Variants in ZNF704 observed in about 807,000 individuals in gnomAD.
ZNF704 encodes the protein zinc finger protein 704.
Under a neutral mutation model 44.7 loss-of-function variants are expected in ZNF704, and 10 were observed. That is an observed-to-expected ratio of 0.22 (90% CI 0.14 to 0.38). The LOEUF (loss-of-function observed/expected upper bound fraction) is 0.38, where lower values mean the gene tolerates loss of function less well. Ranked by LOEUF, ZNF704 falls within the 10% of genes least tolerant of loss-of-function variation. The probability of loss-of-function intolerance (pLI) is 1.00; values close to 1 mark genes in which losing one functional copy is unlikely to be tolerated. For synonymous variants in ZNF704, 211 were observed against 207.6 expected (o/e 1.02, Z -0.14); for missense variants, 390 against 545.5 (o/e 0.71, Z 2.84).
At chr8:80,647,916 C>T (rs1040574013) in intron 7 of ZNF704, among the ~76,000 whole-genome samples, 6 of 152,132 alleles carry the variant, frequency 3.9e-5, no homozygotes, top group African/African-American at 1.4e-4. Flanking sequence ...AACAGAGTAC[C>T]TGAGACTGGA....
At chr8:80,681,090 A>G (rs1258549229) in intron 4 of ZNF704, among the ~76,000 whole-genome samples, 3 of 152,202 alleles carry the variant, frequency 2.0e-5, no homozygotes, top group East Asian at 1.9e-4. Context: ...TTGTATGGTT[A>G]TAATGCAATT....
At chr8:80,720,845 T>C (rs778121693) in intron 2 of ZNF704, among the ~76,000 whole-genome samples, 4 of 152,178 alleles carry the variant, frequency 2.6e-5, no homozygotes, top group Non-Finnish European at 4.4e-5. Context: ...CCAATCTCAG[T>C]CATGCAGCCA....
At chr8:80,646,555 T>C (rs745523583) in intron 7 of ZNF704, among the ~76,000 whole-genome samples, 7 of 152,138 alleles carry the variant, frequency 4.6e-5, no homozygotes, top group African/African-American at 2.4e-5. Context: ...AACTATTCTA[T>C]ACCACTGGTC....
intron 4 of ZNF704, among the ~76,000 whole-genome samples, chr8:80,686,573 T>G (rs973499083): frequency 3.3e-5 from 5 of 152,028 alleles, no homozygotes; most frequent in African/African-American, 9.7e-5. Context: ...AATTTTTTTT[T>G]GTAGAGACAG....
chr8:80,760,750 A>G (rs747952845), intron 2 of ZNF704, among the ~76,000 whole-genome samples: 25 of 152,092 alleles, frequency 1.6e-4, no homozygotes, highest in Non-Finnish European at 2.6e-4. Context: ...GAAAAGAGTC[A>G]TAGGTCCTGC....
At chr8:80,852,616 C>T (rs964727108) in intron 1 of ZNF704, among the ~76,000 whole-genome samples, 4 of 152,190 alleles carry the variant, frequency 2.6e-5, no homozygotes, top group South Asian at 2.1e-4. Flanking sequence ...TACATGCCCA[C>T]TTGTACAGTG....
At chr8:80,656,834 G>C (rs960932511) in intron 7 of ZNF704, among the ~76,000 whole-genome samples, 30 of 152,122 alleles carry the variant, frequency 2.0e-4, no homozygotes, top group African/African-American at 7.0e-4. Context: ...ATTTATTTTA[G>C]AGTACAAGGA....
At chr8:80,693,350 T>C (rs1367785764) in intron 2 of ZNF704, among the ~76,000 whole-genome samples, 1 of 152,188 alleles carries the variant, frequency 6.6e-6, no homozygotes, top group African/African-American at 2.4e-5. Flanking sequence ...AACTGTTCAT[T>C]GAGAGTGTGC....
At chr8:80,877,143 A>G (rs928543254), upstream of ZNF704, among the ~76,000 whole-genome samples, 1 of 138,426 alleles carries the variant, frequency 7.2e-6, no homozygotes, top group Non-Finnish European at 1.5e-5. Flanking sequence ...ATAGACATCC[A>G]TTCCCTGGCC....
chr8:80,810,876 A>C (rs1040685660), intron 2 of ZNF704, among the ~76,000 whole-genome samples: 1 of 152,184 alleles, frequency 6.6e-6, no homozygotes, highest in African/African-American at 2.4e-5. Flanking sequence ...ACAGTTGATG[A>C]AACGCTTCCC....
At position 80,717,497 on chromosome 8, in the gene ZNF704, C is replaced by T. The variant is rs189261700; in HGVS notation, c.222-24390G>A. Among the ~76,000 whole-genome samples the T allele has an allele frequency of 2.2e-3, 335 of 152,320 alleles. 2 individuals are homozygous for T. The highest frequency in any genetic ancestry group is 0.01 in the Middle Eastern group (3 of 294). ...TCAACTACAAATGGAAATAGTAATA[C>T]CTGCTTCCTAGGGCGTTGTGAGATT... On this transcript the variant is annotated intron_variant, in intron 2 of 8. Transcript: ENST00000327835.
chr8:80,645,010 C>T (rs1190088641), intron 7 of ZNF704: 3 of 1,211,978 alleles, frequency 2.5e-6, no homozygotes, highest in African/African-American at 1.5e-5. Flanking sequence ...ATATAATGGA[C>T]CCATCCCTGA....
chr8:80,855,015 C>T (rs952811449), intron 1 of ZNF704, among the ~76,000 whole-genome samples: 11 of 152,146 alleles, frequency 7.2e-5, no homozygotes, highest in African/African-American at 2.7e-4. Context: ...CTTTGAGTTA[C>T]AAACAATCCA....
chr8:80,812,224 T>A (rs1808098959), intron 2 of ZNF704: 1 of 154,272 alleles, frequency 6.5e-6, no homozygotes, highest in Admixed American at 6.5e-5. Flanking sequence ...GACTCCCTTT[T>A]TTGAAAGCAT....
chr8:80,654,260 C>T (rs1242033208), intron 7 of ZNF704, among the ~76,000 whole-genome samples: 1 of 151,926 alleles, frequency 6.6e-6, no homozygotes, highest in Non-Finnish European at 1.5e-5. Flanking sequence ...TAGGCAGTAC[C>T]ATTCAGGACA....
intron 1 of ZNF704, among the ~76,000 whole-genome samples, chr8:80,829,303 T>G (rs1456483798): frequency 6.6e-6 from 1 of 152,038 alleles, no homozygotes; most frequent in Non-Finnish European, 1.5e-5. Context: ...TGCCTGGAGG[T>G]GGGGGGAGAG....
At chr8:80,763,575 T>C (rs1303924735) in intron 2 of ZNF704, among the ~76,000 whole-genome samples, 1 of 152,106 alleles carries the variant, frequency 6.6e-6, no homozygotes, top group Admixed American at 6.5e-5. Flanking sequence ...CAGAAAACCA[T>C]TTTCCCTCCT....
chr8:80,733,893 CA>C (rs1313522476), intron 2 of ZNF704, among the ~76,000 whole-genome samples: 4 of 152,072 alleles, frequency 2.6e-5, no homozygotes, highest in Admixed American at 1.3e-4. Flanking sequence ...TTGAACCCTA[CA>C]AAAAAGTGGA....
chr8:80,859,019 C>T (rs1809014182), intron 1 of ZNF704, among the ~76,000 whole-genome samples: 1 of 152,120 alleles, frequency 6.6e-6, no homozygotes, highest in Non-Finnish European at 1.5e-5. Context: ...CTTTTTGTTA[C>T]CAATTCCATC....
Sources: allele counts gnomAD v4.1 joint callset (sites outside exome capture counted in the v4.1 genomes callset), GRCh38; gene constraint gnomAD v4.1.1; transcripts MANE v1.5; gene names NCBI Gene and HGNC (gene_info 2026-07-23, HGNC 2026-07-21).